The following ALDH16A1 variants were observed in gnomAD, a reference collection of about 807,000 sequenced individuals.
ALDH16A1 encodes the protein aldehyde dehydrogenase family 16 member A1.
In ALDH16A1, 88 loss-of-function variants were observed where a neutral mutation model predicts 96.1. That is an observed-to-expected ratio of 0.92 (90% CI 0.77 to 1.09). The LOEUF (loss-of-function observed/expected upper bound fraction) is 1.09, where lower values mean the gene tolerates loss of function less well. Among genes scored for constraint, ALDH16A1 ranks in the 50% least tolerant of loss-of-function variants. The pLI, the probability that ALDH16A1 is intolerant of heterozygous loss-of-function variation, is 0.00. For synonymous variants in ALDH16A1, 522 were observed against 496.4 expected (o/e 1.05, Z -0.69); for missense variants, 1,250 against 1,112.6 (o/e 1.12, Z -1.76).
intron 14 of ALDH16A1, among the ~76,000 whole-genome samples, chr19:49,467,739 G>A (rs2079210972): frequency 6.6e-6 from 1 of 151,814 alleles, no homozygotes; most frequent in East Asian, 1.9e-4. Flanking sequence ...GGATACATGT[G>A]CAGAACGCGC....
At chr19:49,460,582 T>G (rs1012167570) in intron 4 of ALDH16A1, among the ~76,000 whole-genome samples, 1 of 151,950 alleles carries the variant, frequency 6.6e-6, no homozygotes, top group Non-Finnish European at 1.5e-5. Flanking sequence ...GCCTGGCTAA[T>G]TTTGTGTTTT....
intron 1 of ALDH16A1, among the ~76,000 whole-genome samples, chr19:49,457,242 A>G (rs999604974): frequency 6.6e-6 from 1 of 151,598 alleles, no homozygotes; most frequent in African/African-American, 2.4e-5. Flanking sequence ...CGTGACCAGG[A>G]TGAGAAAGAA....
chr19:49,464,428 G>A lies in ALDH16A1; in HGVS notation c.1343G>A (p.Gly448Asp). 2.5e-6 allele frequency: 4 copies of A among 1,602,932 alleles called. No homozygotes were observed. Among genetic ancestry groups the A allele is most frequent in the Admixed American group, 1.7e-5 (1 of 57,664 alleles). ...ALELGYGLQV[G>D]TVWINAHGLR... ...CATCTTCCCCACAGGCTCCAGGTGG[G>A]CACTGTCTGGATCAACGCCCACGGC... is the stretch of plus-strand genomic sequence containing the variant. Residue 448 changes from glycine to aspartate, a missense_variant, in exon 11 of 17, where the codon GGC becomes GAC. By Grantham distance (94) the Gly-to-Asp change is moderately conservative. Coordinates refer to ENST00000293350, the MANE Select transcript of ALDH16A1 (RefSeq NM_153329.4).
intron 7 of ALDH16A1, 151 bp from the exon 8 acceptor site, chr19:49,462,419 G>A (rs528061759): frequency 3.9e-6 from 4 of 1,032,326 alleles, no homozygotes; most frequent in Non-Finnish European, 5.6e-6. Flanking sequence ...GCAGGTGTGA[G>A]CCACCGCATC....
At chr19:49,454,447 C>G (rs1290922239) in intron 1 of ALDH16A1, among the ~76,000 whole-genome samples, 1 of 152,084 alleles carries the variant, frequency 6.6e-6, no homozygotes, top group East Asian at 1.9e-4. Context: ...CTGAAGTCCT[C>G]GTGAGGGTCC....
At chr19:49,455,159 TGTAATCCCA>T (rs1227235391) in intron 1 of ALDH16A1, among the ~76,000 whole-genome samples, 3 of 151,040 alleles carry the variant, frequency 2.0e-5, no homozygotes, top group Non-Finnish European at 4.4e-5. Context: ...GGTTCACACC[TGTAATCCCA>T]GCGCTTTGGG....
At chr19:49,466,448 G>C (rs1386767181) in intron 14 of ALDH16A1, among the ~76,000 whole-genome samples, 165 bp downstream of exon 14, 1 of 152,204 alleles carries the variant, frequency 6.6e-6, no homozygotes, top group Admixed American at 6.5e-5. Flanking sequence ...TCCCTCATCT[G>C]TACAGTGAGT....
Position 49,453,233 on chromosome 19 carries a change from C to T in ALDH16A1, c.-99C>T, listed in dbSNP as rs1269269083. ...CCCACCCCATTCCCATTAGCCCCGC[C>T]CCTTTGGGCTGGAACCGGAGGTGTC... On this transcript the variant is annotated 5_prime_UTR_variant, in exon 1 of 17. Coordinates refer to ENST00000293350, the MANE Select transcript of ALDH16A1 (RefSeq NM_153329.4). 22 of 1,068,340 alleles carry T rather than the reference C, an allele frequency of 2.1e-5. No homozygotes were observed. The highest frequency in any genetic ancestry group is 2.9e-5 in the Non-Finnish European group (22 of 758,764). The allele number at this position is 1,068,340 out of a possible 1,614,324, so 66.2% of individuals were successfully genotyped here.
intron 16 of ALDH16A1, chr19:49,470,015 C>T: frequency 3.2e-6 from 1 of 308,470 alleles, no homozygotes; most frequent in African/African-American, 2.2e-5. Context: ...CGCGCCCCAC[C>T]GTCCACTCTC....
At chr19:49,463,680 T>C (rs368650630) in intron 8 of ALDH16A1, among the ~76,000 whole-genome samples, 174 bp from the exon 9 acceptor site, 5 of 68,658 alleles carry the variant, frequency 7.3e-5, no homozygotes, top group Admixed American at 3.5e-4. Context: ...GCTGGGGGCC[T>C]GGACTCCTGG....
Position 49,462,775 on chromosome 19 carries a change from C to T in ALDH16A1, c.1098+20C>T. ...GCACAGGTGAGGCAGGGGGTAGAGACTTGAGGGTGTCAGGGGAGGAGGGGC... is the reference window on the plus strand; with the variant it reads ...GCACAGGTGAGGCAGGGGGTAGAGATTTGAGGGTGTCAGGGGAGGAGGGGC... On this transcript the variant is annotated intron_variant, in intron 8 of 16. Transcript: ENST00000293350. 6.5e-7 allele frequency: 1 copy of T among 1,538,250 alleles called. No individual in the cohort carries two copies. The highest frequency in any genetic ancestry group is 8.7e-7 in the Non-Finnish European group (1 of 1,144,666).
intron 13 of ALDH16A1, 71 bp downstream of exon 13, chr19:49,465,976 T>C: frequency 6.4e-7 from 1 of 1,559,072 alleles, no homozygotes; most frequent in Non-Finnish European, 8.7e-7. Context: ...CAGCAATTGG[T>C]GGACTGGGAG....
chr19:49,466,148 C>A lies in ALDH16A1; in HGVS notation c.1803C>A (p.Arg601=). ...GGGCCCTGGCGGCTGCACTGGAGCGCCGGAAGTCTACCCTGGCCTCGAGGC... is the reference window on the plus strand; with the variant it reads ...GGGCCCTGGCGGCTGCACTGGAGCGACGGAAGTCTACCCTGGCCTCGAGGC... ...LLWALAAALE[R]RKSTLASRLE... The change falls in exon 14 of 17, where the codon CGC becomes CGA. Residue 601 remains arginine, a synonymous_variant. Coordinates refer to ENST00000293350, the MANE Select transcript of ALDH16A1 (RefSeq NM_153329.4). 1.9e-6 allele frequency: 3 copies of A among 1,559,064 alleles called. No individual in the cohort carries two copies. The highest frequency in any genetic ancestry group is 2.6e-6 in the Non-Finnish European group (3 of 1,154,144).
At chr19:49,462,535 A>T in intron 7 of ALDH16A1, 35 bp from the exon 8 acceptor site, 1 of 1,601,614 alleles carries the variant, frequency 6.2e-7, no homozygotes, top group Non-Finnish European at 8.5e-7. Context: ...CTAGAGTGCA[A>T]TGGTGTGATC....
rs1355073668 is a variant in ALDH16A1 at position 49,464,110 on chromosome 19, C to G, written c.1195-17C>G. 6.2e-7 allele frequency: 1 copy of G among 1,602,572 alleles called. No homozygotes were observed. Among genetic ancestry groups the G allele is most frequent in the African/African-American group, 1.3e-5 (1 of 74,718 alleles). On this transcript the variant is annotated splice_polypyrimidine_tract_variant and intron_variant, in intron 9 of 16. Transcript: ENST00000293350. ...GGTGGGCCCTGGAGGGCTGAGCCTCCCGGTCACCCCTTGCAGGTGCCGTGG... is the reference window on the plus strand; with the variant it reads ...GGTGGGCCCTGGAGGGCTGAGCCTCGCGGTCACCCCTTGCAGGTGCCGTGG...
chr19:49,453,345 G>C lies in ALDH16A1; in HGVS notation c.14G>C (p.Arg5Pro), dbSNP rs866652125. The change falls in exon 1 of 17, where the codon CGT becomes CCT. Residue 5 changes from arginine to proline, a missense_variant. Arg to Pro is a moderately radical substitution (Grantham distance 103). Transcript: ENST00000293350. Reference protein sequence around the residue: MAATRAGPRAREIFT... With the variant: MAATPAGPRAREIFT... ...TCGGGGTAGGCGATGGCTGCGACGC[G>C]TGCAGGGCCCCGCGCCCGCGAGATC... 5.2e-6 allele frequency: 8 copies of C among 1,551,440 alleles called. No individual in the cohort carries two copies. The highest frequency in any genetic ancestry group is 7.0e-6 in the Non-Finnish European group (8 of 1,151,024).
intron 5 of ALDH16A1, 47 bp downstream of exon 5, chr19:49,460,946 G>C: frequency 6.4e-7 from 1 of 1,574,238 alleles, no homozygotes; most frequent in Non-Finnish European, 8.7e-7. Context: ...TGAGAAAGGA[G>C]GGGATCGTGG....
At chr19:49,465,684 G>A in intron 12 of ALDH16A1, 54 bp from the exon 13 acceptor site, 3 of 1,564,086 alleles carry the variant, frequency 1.9e-6, no homozygotes, top group Non-Finnish European at 2.6e-6. Flanking sequence ...TAGAGCATAG[G>A]GTCTGAGCAG....
rs900116709 is a variant in ALDH16A1, at chr19:49,464,353, T to G, written c.1332-64T>G. On this transcript the variant is annotated intron_variant, in intron 10 of 16. Coordinates refer to ENST00000293350, the MANE Select transcript of ALDH16A1 (RefSeq NM_153329.4). ...CTGGGTCGCTCCCCGCGCCTTTAAC[T>G]CACCCCTCTCCCGGCCTGCCACCGT... 1.7e-5 allele frequency: 27 copies of G among 1,564,850 alleles called. No individual in the cohort carries two copies. The Admixed American group carries it at 3.5e-4, about 21-fold the overall frequency.
Sources: gnomAD v4.1 joint callset for allele counts (sites outside exome capture counted in the v4.1 genomes callset) on GRCh38, gnomAD v4.1.1 for gene constraint, MANE v1.5 for transcripts, NCBI Gene and HGNC (gene_info 2026-07-23, HGNC 2026-07-21) for gene names.